SUCLG2: variants seen among roughly 807,000 people sequenced by gnomAD.
SUCLG2 encodes succinate-CoA ligase GDP-forming subunit beta, also known as succinate--CoA ligase [GDP-forming] subunit beta, mitochondrial.
A neutral mutation model predicts 47.9 loss-of-function variants in SUCLG2; 42 were observed. That is an observed-to-expected ratio of 0.88 (90% CI 0.69 to 1.14). The LOEUF (loss-of-function observed/expected upper bound fraction) is 1.14, where lower values mean the gene tolerates loss of function less well. Ranked by LOEUF, SUCLG2 falls within the 50% of genes most tolerant of loss-of-function variation. The probability of loss-of-function intolerance (pLI) is 0.00; values close to 1 mark genes in which losing one functional copy is unlikely to be tolerated. For synonymous variants in SUCLG2, 195 were observed against 197.3 expected (o/e 0.99, Z 0.10); for missense variants, 571 against 525.9 (o/e 1.09, Z -0.84).
chr3:67,581,979 A>G (rs1707889534), intron 2 of SUCLG2, among the ~76,000 whole-genome samples: 1 of 152,218 alleles, frequency 6.6e-6, no homozygotes, highest in Non-Finnish European at 1.5e-5. Flanking sequence ...TACCCAAATT[A>G]AGAAGCCAAA....
At chr3:67,554,633 T>C (rs1707106911) in intron 2 of SUCLG2, among the ~76,000 whole-genome samples, 2 of 152,170 alleles carry the variant, frequency 1.3e-5, no homozygotes, top group Admixed American at 1.3e-4. Context: ...ATTAAAATAA[T>C]ACGTTGAAAA....
chr3:67,573,214 T>C (rs1009917880), intron 2 of SUCLG2, among the ~76,000 whole-genome samples: 1 of 152,180 alleles, frequency 6.6e-6, no homozygotes, highest in African/African-American at 2.4e-5. Context: ...GATTCAATAT[T>C]GTGAAGATGG....
In SUCLG2 at chr3:67,519,393, ATTTAT is replaced by A; in HGVS notation, c.571-1062_571-1058del. 1.3e-5 allele frequency among the ~76,000 whole-genome samples: 2 copies of A among 152,174 alleles called. 1 individual carries two copies. The highest frequency in any genetic ancestry group is 6.3e-3 in the Middle Eastern group (2 of 316). On this transcript the variant is annotated intron_variant, in intron 5 of 10. Coordinates refer to ENST00000307227, the MANE Select transcript of SUCLG2 (RefSeq NM_003848.4). ...TTTCTGAAACGTACATATAGCTCCT[ATTTAT>A]TTTAATGTGTAACATTAGAAGTGTG...
intron 10 of SUCLG2, among the ~76,000 whole-genome samples, chr3:67,377,176 T>C (rs1321305516): frequency 6.6e-6 from 1 of 152,220 alleles, no homozygotes; most frequent in Non-Finnish European, 1.5e-5. Flanking sequence ...AGAAGTTAAA[T>C]AACTTTTCCA....
downstream of SUCLG2, among the ~76,000 whole-genome samples, chr3:67,371,878 G>A (rs1022956872): frequency 1.3e-5 from 2 of 152,030 alleles, no homozygotes; most frequent in East Asian, 1.9e-4. Flanking sequence ...TTAAATTCTC[G>A]GAGTTACAAT....
At chr3:67,443,293 G>A (rs1321539163) in intron 9 of SUCLG2, among the ~76,000 whole-genome samples, 1 of 21,412 alleles carries the variant, frequency 4.7e-5, no homozygotes, top group African/African-American at 1.4e-4. Context: ...TCGGACCGCC[G>A]GGAGGATGGA....
intron 9 of SUCLG2, among the ~76,000 whole-genome samples, chr3:67,421,622 C>T (rs1703159648): frequency 6.6e-6 from 1 of 152,154 alleles, no homozygotes; most frequent in South Asian, 2.1e-4. Context: ...CAGACTGTTG[C>T]TTTTATTCCA....
At chr3:67,362,653 C>T (rs1168352942) in intron 10 of SUCLG2, among the ~76,000 whole-genome samples, 2 of 152,140 alleles carry the variant, frequency 1.3e-5, no homozygotes, top group Non-Finnish European at 2.9e-5. Flanking sequence ...GTACACGCTA[C>T]CTAATGCAGT....
At chr3:67,574,284 C>T (rs539726634) in intron 2 of SUCLG2, among the ~76,000 whole-genome samples, 87 of 152,306 alleles carry the variant, frequency 5.7e-4, no homozygotes, top group Middle Eastern at 3.4e-3. Context: ...GTCCCTTCTG[C>T]CACATAAATA....
In SUCLG2 at chr3:67,440,230, T is replaced by C. The variant is rs561542717; in HGVS notation, c.1063-39379A>G. Among the ~76,000 whole-genome samples the C allele has an allele frequency of 7.2e-5, 11 of 152,176 alleles. No individual in the cohort carries two copies. In the East Asian group the frequency reaches 2.1e-3, roughly 29 times the overall value. On this transcript the variant is annotated intron_variant, in intron 9 of 10. Coordinates refer to ENST00000307227, the MANE Select transcript of SUCLG2 (RefSeq NM_003848.4). Reference sequence around the variant, plus strand: ...CCTTACACTTTATGCAAAAACTAACTCAAGATGAATTAAAGTCTTAAATGT... The same window carrying C: ...CCTTACACTTTATGCAAAAACTAACCCAAGATGAATTAAAGTCTTAAATGT...
chr3:67,398,363 C>T (rs1302582803), intron 10 of SUCLG2, among the ~76,000 whole-genome samples: 2 of 151,092 alleles, frequency 1.3e-5, no homozygotes, highest in African/African-American at 4.9e-5. Flanking sequence ...GGGTAAAGGA[C>T]ATGAACAGAC....
chr3:67,515,873 G>A (rs1293851989), intron 6 of SUCLG2, among the ~76,000 whole-genome samples: 3 of 152,080 alleles, frequency 2.0e-5, no homozygotes, highest in Admixed American at 2.0e-4. Context: ...CCCTTCTACT[G>A]TAGAAATACA....
Position 67,508,558 on chromosome 3 carries a change from C to A in SUCLG2, c.757+249G>T, listed in dbSNP as rs147481105. ...GTGCTGGGATTACAGGCATGAGCCACCACACCAAGCCTGAATGTTTTTAAG... is the reference window on the plus strand; with the variant it reads ...GTGCTGGGATTACAGGCATGAGCCAACACACCAAGCCTGAATGTTTTTAAG... On this transcript the variant is annotated intron_variant, in intron 7 of 10. Coordinates refer to ENST00000307227, the MANE Select transcript of SUCLG2 (RefSeq NM_003848.4). Among the ~76,000 whole-genome samples, 6 of 152,296 alleles carry A rather than the reference C, an allele frequency of 3.9e-5. No individual in the cohort carries two copies. In the East Asian group the frequency reaches 1.2e-3, roughly 29 times the overall value.
At chr3:67,461,811 G>A (rs1704344602) in intron 9 of SUCLG2, among the ~76,000 whole-genome samples, 1 of 151,992 alleles carries the variant, frequency 6.6e-6, no homozygotes, top group Non-Finnish European at 1.5e-5. Flanking sequence ...GGTCCATCCC[G>A]CCCCAGTTCA....
At chr3:67,370,565 C>A (rs780025798), downstream of SUCLG2, among the ~76,000 whole-genome samples, 2 of 152,066 alleles carry the variant, frequency 1.3e-5, no homozygotes, top group South Asian at 2.1e-4. Context: ...CCAAGACTCC[C>A]GAGTGAATGC....
At chr3:67,620,609 AAAAAAG>A (rs1427248332) in intron 1 of SUCLG2, among the ~76,000 whole-genome samples, 1 of 150,972 alleles carries the variant, frequency 6.6e-6, no homozygotes, top group East Asian at 1.9e-4. Context: ...AAAAAGAAAG[AAAAAAG>A]AAAAAGAAAA....
At chr3:67,578,647 G>T (rs988630463) in intron 2 of SUCLG2, among the ~76,000 whole-genome samples, 3 of 152,142 alleles carry the variant, frequency 2.0e-5, no homozygotes, top group Non-Finnish European at 4.4e-5. Flanking sequence ...CGGAAGCTTG[G>T]TTATGGGAGA....
intron 1 of SUCLG2, among the ~76,000 whole-genome samples, chr3:67,654,287 C>T (rs981230984): frequency 1.3e-5 from 2 of 152,192 alleles, no homozygotes; most frequent in Non-Finnish European, 2.9e-5. Context: ...TCGCTCATAC[C>T]CCGAGGCACC....
chr3:67,397,623 C>T (rs537495755), intron 10 of SUCLG2, among the ~76,000 whole-genome samples: 2 of 152,032 alleles, frequency 1.3e-5, no homozygotes, highest in Non-Finnish European at 2.9e-5. Flanking sequence ...CAATGCCATC[C>T]CCATCAAGCT....
Sources: gnomAD v4.1 joint callset for allele counts (sites outside exome capture counted in the v4.1 genomes callset) on GRCh38, gnomAD v4.1.1 for gene constraint, MANE v1.5 for transcripts, NCBI Gene and HGNC (gene_info 2026-07-23, HGNC 2026-07-21) for gene names.